OTOGL: variants seen among roughly 807,000 people sequenced by gnomAD.
The protein encoded by OTOGL is otogelin-like protein.
OTOGL carries 285 observed loss-of-function variants against 318.5 expected under a neutral mutation model. The observed-to-expected ratio is 0.89, with a 90% CI of 0.81 to 0.99. The LOEUF is 0.99. Among genes scored for constraint, OTOGL ranks in the 50% least tolerant of loss-of-function variants. The pLI is 0.00. For synonymous variants in OTOGL, 987 were observed against 936.5 expected (o/e 1.05, Z -0.99); for missense variants, 2,899 against 2,845.6 (o/e 1.02, Z -0.43).
chr12:80,219,118 T>G (rs1051702171), intron 5 of OTOGL, among the ~76,000 whole-genome samples: 7 of 151,926 alleles, frequency 4.6e-5, no homozygotes, highest in African/African-American at 7.3e-5. Flanking sequence ...CGATTCTTTT[T>G]TTGTTGTTGT....
At chr12:80,235,007 G>A (rs188964848) in intron 9 of OTOGL, among the ~76,000 whole-genome samples, 9 of 152,278 alleles carry the variant, frequency 5.9e-5, no homozygotes, top group Non-Finnish European at 1.2e-4. Flanking sequence ...TGCAATGAGA[G>A]GGGTCACAAA....
chr12:80,250,662 A>C (rs920671481), intron 11 of OTOGL, among the ~76,000 whole-genome samples: 1 of 152,216 alleles, frequency 6.6e-6, no homozygotes, highest in Non-Finnish European at 1.5e-5. Flanking sequence ...GGACTAGATA[A>C]GCTGCAGGAC....
rs1018915019 is a variant in OTOGL at position 80,248,820 on chromosome 12, G to A, written c.1053-2873G>A. ...GGTACACGAATCAGATGTAGATTTG[G>A]TCTTTTCACATAGTCCCATATTTCT... On this transcript the variant is annotated intron_variant, in intron 11 of 58. Coordinates refer to ENST00000547103, the MANE Select transcript of OTOGL (RefSeq NM_001378609.3). 4.9e-3 allele frequency among the ~76,000 whole-genome samples: 737 copies of A among 149,962 alleles called. 15 individuals are homozygous for A. The highest frequency in any genetic ancestry group is 0.018 in the African/African-American group (698 of 39,726).
At chr12:80,117,244 C>A (rs75247005) in intron 1 of OTOGL, among the ~76,000 whole-genome samples, 5,431 of 122,602 alleles carry the variant, frequency 0.044, 113 homozygotes, top group South Asian at 0.11. Flanking sequence ...AGGCGATAAG[C>A]TATCTCTGGG....
At position 80,359,144 on chromosome 12, in the gene OTOGL, A is replaced by G. The variant is rs183295037; in HGVS notation, c.6267+244A>G. ...GATAGAATCTGCTAATCTTATATCT[A>G]CTTCAGTTCCCTGTATTAAAATGAA... is the stretch of plus-strand genomic sequence containing the variant. On this transcript the variant is annotated intron_variant, in intron 52 of 58. Transcript: ENST00000547103. Among the ~76,000 whole-genome samples the G allele has an allele frequency of 3.3e-5, 5 of 152,266 alleles. No individual in the cohort carries two copies. In the East Asian group the frequency reaches 9.6e-4, roughly 29 times the overall value.
chr12:80,131,408 C>T (rs141563243), intron 1 of OTOGL, among the ~76,000 whole-genome samples: 2 of 152,272 alleles, frequency 1.3e-5, no homozygotes, highest in African/African-American at 2.4e-5. Flanking sequence ...GAGTCAGAGG[C>T]CCTGAGGGCA....
chr12:80,326,648 A>G (rs1887694539), intron 35 of OTOGL, among the ~76,000 whole-genome samples: 1 of 152,238 alleles, frequency 6.6e-6, no homozygotes, highest in African/African-American at 2.4e-5. Context: ...TCCACTTCAC[A>G]AAGTTTAAAA....
intron 30 of OTOGL, 136 bp downstream of exon 30, chr12:80,310,863 A>ATGT (rs1886592724): frequency 1.6e-6 from 1 of 624,656 alleles, no homozygotes; most frequent in Admixed American, 3.5e-5. Flanking sequence ...AGGGGGGCAT[A>ATGT]TGTGTTAGTT....
At chr12:80,305,031 A>C (rs143970706) in intron 28 of OTOGL, among the ~76,000 whole-genome samples, 1 of 152,304 alleles carries the variant, frequency 6.6e-6, no homozygotes, top group East Asian at 1.9e-4. Context: ...TAGTTATCCT[A>C]AAGCTGAGGC....
intron 1 of OTOGL, among the ~76,000 whole-genome samples, chr12:80,171,157 T>C (rs1261634532): frequency 6.6e-6 from 1 of 152,136 alleles, no homozygotes; most frequent in African/African-American, 2.4e-5. Flanking sequence ...CACTGCAGCC[T>C]TGACCTCCTG....
intron 44 of OTOGL, among the ~76,000 whole-genome samples, chr12:80,349,009 C>T (rs893814735): frequency 6.6e-6 from 1 of 152,056 alleles, no homozygotes; most frequent in Admixed American, 6.6e-5. Context: ...GTTAGGTTCC[C>T]AATAAATGAT....
At chr12:80,285,486 G>A (rs185718821) in intron 26 of OTOGL, among the ~76,000 whole-genome samples, 21 of 152,154 alleles carry the variant, frequency 1.4e-4, no homozygotes, top group African/African-American at 4.8e-4. Flanking sequence ...CCATTTTCAC[G>A]ATATTGATTC....
intron 26 of OTOGL, among the ~76,000 whole-genome samples, chr12:80,292,102 C>T (rs549494795): frequency 3.5e-4 from 54 of 152,194 alleles, no homozygotes; most frequent in African/African-American, 1.2e-3. Context: ...AATTATCCTG[C>T]TTCAACCTCC....
chr12:80,316,152 C>A (rs771846997), intron 32 of OTOGL, among the ~76,000 whole-genome samples: 1 of 152,164 alleles, frequency 6.6e-6, no homozygotes, highest in Non-Finnish European at 1.5e-5. Context: ...GATTTGTGAA[C>A]AATTTGGCTT....
intron 29 of OTOGL, 44 bp from the exon 30 acceptor site, chr12:80,310,567 T>A: frequency 7.4e-7 from 1 of 1,346,434 alleles, no homozygotes; most frequent in Non-Finnish European, 1.0e-6. Flanking sequence ...TTTGAGAAAT[T>A]GTCCCTTTGA....
intron 42 of OTOGL, among the ~76,000 whole-genome samples, 163 bp from the exon 43 acceptor site, chr12:80,338,912 A>G (rs1042732009): frequency 3.3e-5 from 5 of 152,192 alleles, no homozygotes; most frequent in East Asian, 1.9e-4. Flanking sequence ...GAACAATAAA[A>G]TAGCTTAAAG....
Position 80,212,000 on chromosome 12 carries a change from AG to A in OTOGL, c.168+5del. 1.3e-6 allele frequency: 2 copies of A among 1,572,710 alleles called. No homozygotes were observed. Among genetic ancestry groups the A allele is most frequent in the Admixed American group, 3.5e-5 (2 of 56,356 alleles). ...AAAGAGCTCTTTTAGCAGCACAGGT[AG>A]GTTATGCTTCAGGTGGAGAGAGAGG... On this transcript the variant is annotated splice_donor_region_variant and intron_variant, in intron 4 of 58. Coordinates refer to ENST00000547103, the MANE Select transcript of OTOGL (RefSeq NM_001378609.3).
At chr12:80,212,722 C>T (rs1391652841) in intron 4 of OTOGL, among the ~76,000 whole-genome samples, 1 of 152,120 alleles carries the variant, frequency 6.6e-6, no homozygotes, top group Admixed American at 6.6e-5. Context: ...CTTGAATATT[C>T]AAGGAAGCCT....
At chr12:80,270,974 A>T (rs1044744060) in intron 23 of OTOGL, among the ~76,000 whole-genome samples, 5 of 152,122 alleles carry the variant, frequency 3.3e-5, no homozygotes, top group African/African-American at 9.7e-5. Flanking sequence ...ATATATTATT[A>T]TTAAAGAGCT....
Sources: gnomAD v4.1 joint callset for allele counts (sites outside exome capture counted in the v4.1 genomes callset) on GRCh38, gnomAD v4.1.1 for gene constraint, MANE v1.5 for transcripts, NCBI Gene and HGNC (gene_info 2026-07-23, HGNC 2026-07-21) for gene names.